PLCB1: variants seen among roughly 807,000 people sequenced by gnomAD.
PLCB1 encodes phospholipase C beta 1.
PLCB1 carries 46 observed loss-of-function variants against 161.8 expected under a neutral mutation model. The ratio of observed to expected loss-of-function variants is 0.28; its 90% CI spans 0.22 to 0.36. PLCB1 has a LOEUF of 0.36. Ranked by LOEUF, PLCB1 falls within the 10% of genes least tolerant of loss-of-function variation. PLCB1 has a pLI of 1.00. For synonymous variants in PLCB1, 517 were observed against 503.7 expected, an observed-to-expected ratio of 1.03 and a Z score of -0.35; for missense variants, 1,016 against 1,472.5, an observed-to-expected ratio of 0.69 and a Z score of 5.07.
intron 3 of PLCB1, among the ~76,000 whole-genome samples, chr20:8,552,614 C>A (rs542246413): frequency 6.6e-6 from 1 of 152,298 alleles, no homozygotes; most frequent in Admixed American, 6.5e-5. Context: ...TACTTATATT[C>A]TTGGCTCTGC....
At chr20:8,730,007 T>C (rs1466849212) in intron 18 of PLCB1, 1 of 152,020 alleles carries the variant, frequency 6.6e-6, no homozygotes, top group African/African-American at 2.4e-5. Flanking sequence ...GGTTGAACTT[T>C]TTAAAATATG....
chr20:8,417,231 C>A (rs1313302822), intron 3 of PLCB1, among the ~76,000 whole-genome samples: 1 of 150,220 alleles, frequency 6.7e-6, no homozygotes, highest in Non-Finnish European at 1.5e-5. Context: ...GGACTACAGG[C>A]GCCCACCACC....
At chr20:8,560,637 A>C (rs1454872993) in intron 3 of PLCB1, among the ~76,000 whole-genome samples, 1 of 151,976 alleles carries the variant, frequency 6.6e-6, no homozygotes, top group Non-Finnish European at 1.5e-5. Context: ...TGAAGGAGAG[A>C]GGTAATTTTA....
intron 9 of PLCB1, among the ~76,000 whole-genome samples, chr20:8,683,451 G>A (rs1327765722): frequency 1.3e-5 from 2 of 151,328 alleles, no homozygotes; most frequent in African/African-American, 2.4e-5. Context: ...TTTACTACCC[G>A]CAAATATGTT....
intron 9 of PLCB1, among the ~76,000 whole-genome samples, chr20:8,668,039 GA>G (rs1989856315): frequency 6.6e-6 from 1 of 152,088 alleles, no homozygotes; most frequent in African/African-American, 2.4e-5. Flanking sequence ...TTGGGAGGGA[GA>G]GAGGCCACAG....
At chr20:8,416,217 A>ATC (rs1568667508) in intron 3 of PLCB1, among the ~76,000 whole-genome samples, 5 of 152,292 alleles carry the variant, frequency 3.3e-5, no homozygotes, top group South Asian at 2.1e-4. Flanking sequence ...TAATGAGAAA[A>ATC]CTTGGTCTGA....
chr20:8,519,220 C>T (rs1462524266), intron 3 of PLCB1, among the ~76,000 whole-genome samples: 2 of 152,002 alleles, frequency 1.3e-5, no homozygotes, highest in African/African-American at 4.8e-5. Context: ...TCCTTGCTTT[C>T]TCGGTAGCTT....
intron 3 of PLCB1, among the ~76,000 whole-genome samples, chr20:8,488,345 A>G (rs1982814841): frequency 6.6e-6 from 1 of 152,110 alleles, no homozygotes; most frequent in Non-Finnish European, 1.5e-5. Context: ...AAGCTCATCT[A>G]GATGCCAAAT....
chr20:8,585,479 A>G (rs1409918192), intron 3 of PLCB1, among the ~76,000 whole-genome samples: 8 of 152,244 alleles, frequency 5.3e-5, no homozygotes, highest in Non-Finnish European at 8.8e-5. Flanking sequence ...CTCTTCTTTC[A>G]TGATCTACTC....
chr20:8,788,566 A>G (rs1396482553), intron 28 of PLCB1, 41 bp downstream of exon 28: 1 of 1,601,242 alleles, frequency 6.2e-7, no homozygotes, highest in South Asian at 1.1e-5. Context: ...GTGCATCTGA[A>G]TTTATTCAAC....
chr20:8,382,218 G>T (rs1006625167), intron 3 of PLCB1, among the ~76,000 whole-genome samples: 10 of 151,392 alleles, frequency 6.6e-5, no homozygotes, highest in African/African-American at 2.4e-4. Context: ...ATTTACCCAG[G>T]AGTCATTCAG....
At chr20:8,781,901 C>G (rs1487543687) in intron 27 of PLCB1, among the ~76,000 whole-genome samples, 1 of 152,134 alleles carries the variant, frequency 6.6e-6, no homozygotes, top group Non-Finnish European at 1.5e-5. Context: ...CCCACCAGGT[C>G]CCTCCCACAA....
chr20:8,666,169 G>A (rs1989808001), intron 9 of PLCB1, among the ~76,000 whole-genome samples: 1 of 152,120 alleles, frequency 6.6e-6, no homozygotes, highest in African/African-American at 2.4e-5. Context: ...CGGTGAGACT[G>A]AGCCCTAACT....
intron 3 of PLCB1, among the ~76,000 whole-genome samples, chr20:8,494,675 T>C (rs1463834197): frequency 7.0e-6 from 1 of 143,746 alleles, no homozygotes; most frequent in African/African-American, 2.4e-5. Flanking sequence ...TTCTACTTCT[T>C]TCTTCTTGCT....
chr20:8,132,507 C>CGGGAGGCCG lies in PLCB1; in HGVS notation c.-134_-126dup. The CGGGAGGCCG allele has an allele frequency of 7.2e-6, 3 of 414,762 alleles. No individual in the cohort carries two copies. Among genetic ancestry groups the CGGGAGGCCG allele is most frequent in the Non-Finnish European group, 1.3e-5 (3 of 238,414 alleles). The allele number at this position is 414,762 out of a possible 1,614,324, so 25.7% of individuals were successfully genotyped here. ...CGGCGCCGGAGGGAGGTGCGGAGGC[C>CGGGAGGCCG]GGGAGGCCGGGGAGGCCGGCGGGGA... On this transcript the variant is annotated 5_prime_UTR_variant, in exon 1 of 32. Coordinates refer to ENST00000338037, the MANE Select transcript of PLCB1 (RefSeq NM_015192.4). The surrounding 1 kb of genome is among the most constrained non-coding windows in gnomAD (Gnocchi z 5.2).
intron 23 of PLCB1, among the ~76,000 whole-genome samples, chr20:8,746,693 G>A (rs192472122): frequency 1.4e-4 from 21 of 152,258 alleles, no homozygotes; most frequent in Non-Finnish European, 2.4e-4. Context: ...ACCTCCGGAT[G>A]TCCTAATTAC....
At chr20:8,165,478 C>G (rs753127877) in intron 2 of PLCB1, among the ~76,000 whole-genome samples, 5 of 152,184 alleles carry the variant, frequency 3.3e-5, no homozygotes, top group African/African-American at 1.2e-4. Flanking sequence ...ATGAAACCCT[C>G]TCTTCTGTTC....
At chr20:8,312,946 A>G (rs916122410) in intron 2 of PLCB1, among the ~76,000 whole-genome samples, 1 of 152,186 alleles carries the variant, frequency 6.6e-6, no homozygotes, top group African/African-American at 2.4e-5. Context: ...AGTCACAGAA[A>G]AAGTGTTAAC....
At chr20:8,728,873 A>T (rs1980081431) in intron 17 of PLCB1, among the ~76,000 whole-genome samples, 177 bp from the exon 18 acceptor site, 1 of 152,140 alleles carries the variant, frequency 6.6e-6, no homozygotes, top group Non-Finnish European at 1.5e-5. Flanking sequence ...AAATAAAATG[A>T]AACAGCCTAT....
Sources: gnomAD v4.1 joint callset for allele counts (sites outside exome capture counted in the v4.1 genomes callset) on GRCh38, gnomAD v4.1.1 for gene constraint, Gnocchi (gnomAD v3.1) non-coding constraint, MANE v1.5 for transcripts, NCBI Gene and HGNC (gene_info 2026-07-23, HGNC 2026-07-21) for gene names.